The following PRPSAP2 variants were observed in gnomAD, a reference collection of about 807,000 sequenced individuals.
PRPSAP2 encodes phosphoribosyl pyrophosphate synthase-associated protein 2.
A neutral mutation model predicts 40.6 loss-of-function variants in PRPSAP2; 24 were observed. The observed-to-expected ratio is 0.59, with a 90% CI of 0.43 to 0.83. PRPSAP2 has a LOEUF of 0.83. PRPSAP2 is among the 40% of genes least tolerant of loss of function. The pLI is 0.00. For missense variants in PRPSAP2, 292 were observed against 465.6 expected, an observed-to-expected ratio of 0.63 and a Z score of 3.43; for synonymous variants, 149 against 164.7, an observed-to-expected ratio of 0.90 and a Z score of 0.73.
rs372184357 is a variant in PRPSAP2 at position 18,870,360 on chromosome 17, C to T, written c.173-2223C>T. Among the ~76,000 whole-genome samples the T allele has an allele frequency of 7.9e-5, 12 of 152,020 alleles. No homozygotes were observed. The East Asian group carries it at 1.9e-3, about 24-fold the overall frequency. ...ACTGCAGTGAGCCATATTTGCACCA[C>T]TGTACCACAGCCTAGGCAACAGGGC... On this transcript the variant is annotated intron_variant, in intron 4 of 11. Coordinates refer to ENST00000268835, the MANE Select transcript of PRPSAP2 (RefSeq NM_002767.4).
intron 8 of PRPSAP2, among the ~76,000 whole-genome samples, chr17:18,903,758 A>G (rs1046704690): frequency 1.3e-5 from 2 of 151,960 alleles, no homozygotes; most frequent in African/African-American, 4.8e-5. Flanking sequence ...ATAAAAAGGT[A>G]TTGTGAGCAA....
At chr17:18,918,509 C>T (rs1303777850) in intron 9 of PRPSAP2, among the ~76,000 whole-genome samples, 1 of 152,224 alleles carries the variant, frequency 6.6e-6, no homozygotes, top group Non-Finnish European at 1.5e-5. Flanking sequence ...ATAGCAGTAT[C>T]TGCGGGGAGC....
At chr17:18,874,564 G>T (rs1004424103) in intron 5 of PRPSAP2, among the ~76,000 whole-genome samples, 1 of 152,194 alleles carries the variant, frequency 6.6e-6, no homozygotes, top group African/African-American at 2.4e-5. Flanking sequence ...ACCTGTCCTT[G>T]CATCCTATAG....
At position 18,923,939 on chromosome 17, in the gene PRPSAP2, A is replaced by G; in HGVS notation, c.759A>G (p.Pro253=). The change falls in exon 10 of 12, where the codon CCA becomes CCG. Residue 253 remains proline (P), a synonymous_variant. Coordinates refer to ENST00000268835, the MANE Select transcript of PRPSAP2 (RefSeq NM_002767.4). ...TGCTGATTCCTAAAGAAAAGCCCCC[A>G]ATCACGGTTGTGGGTGATGTTGGAG... ...IPMLIPKEKP[P]ITVVGDVGGR... The G allele has an allele frequency of 6.2e-7, 1 of 1,613,710 alleles. No homozygotes were observed. Among genetic ancestry groups the G allele is most frequent in the Non-Finnish European group, 8.5e-7 (1 of 1,179,652 alleles).
chr17:18,921,800 T>A (rs2041702973), intron 9 of PRPSAP2, among the ~76,000 whole-genome samples: 1 of 152,228 alleles, frequency 6.6e-6, no homozygotes, highest in South Asian at 2.1e-4. Context: ...TTTTTCTTTT[T>A]GTGACATTGC....
chr17:18,867,159 A>T, intron 3 of PRPSAP2, 123 bp from the exon 4 acceptor site: 1 of 1,043,588 alleles, frequency 9.6e-7, no homozygotes, highest in South Asian at 1.6e-5. Flanking sequence ...TTGACTTTAA[A>T]TTTTATAAGA....
At chr17:18,870,596 A>G (rs2037784376) in intron 4 of PRPSAP2, among the ~76,000 whole-genome samples, 1 of 151,914 alleles carries the variant, frequency 6.6e-6, no homozygotes, top group Non-Finnish European at 1.5e-5. Flanking sequence ...ATCACTTGAG[A>G]CCAGAAGTTT....
At position 18,931,011 on chromosome 17, in the gene PRPSAP2, C is replaced by G. The variant is rs1024035794; in HGVS notation, c.*313C>G. ...CTCACAAAGCCTTCTTCCAAAGTTG[C>G]TTGAGCCAAGTGCTTAAAAAGTTAA... On this transcript the variant is annotated 3_prime_UTR_variant, in exon 12 of 12. Transcript: ENST00000268835. 5.1e-6 allele frequency: 1 copy of G among 194,318 alleles called. No homozygotes were observed. The highest frequency in any genetic ancestry group is 1.2e-4 in the East Asian group (1 of 8,436). 12.0% of individuals were successfully genotyped at this position (194,318 alleles called of 1,614,324 possible).
chr17:18,875,815 C>T (rs2038254198), intron 5 of PRPSAP2, among the ~76,000 whole-genome samples: 1 of 143,468 alleles, frequency 7.0e-6, no homozygotes, highest in Non-Finnish European at 1.5e-5. Flanking sequence ...GATGGCGCCA[C>T]TATACTCCAG....
chr17:18,901,948 G>T (rs964375574), intron 8 of PRPSAP2, among the ~76,000 whole-genome samples: 2 of 152,002 alleles, frequency 1.3e-5, no homozygotes, highest in Admixed American at 1.3e-4. Context: ...TGCCCAGCTG[G>T]TTTTTTCCTT....
intron 9 of PRPSAP2, among the ~76,000 whole-genome samples, chr17:18,916,346 G>A (rs1351758764): frequency 6.6e-6 from 1 of 151,186 alleles, no homozygotes; most frequent in South Asian, 2.1e-4. Context: ...GTTTGTTAAG[G>A]CTACTATAAC....
At chr17:18,902,929 G>A (rs1197376033) in intron 8 of PRPSAP2, among the ~76,000 whole-genome samples, 3 of 148,394 alleles carry the variant, frequency 2.0e-5, no homozygotes, top group South Asian at 2.1e-4. Context: ...AGTCTTTACC[G>A]AGTACATATT....
chr17:18,858,169 C>A lies in PRPSAP2; in HGVS notation c.-221C>A, dbSNP rs903627743. The A allele has an allele frequency of 6.6e-6, 1 of 152,286 alleles. No homozygotes were observed. Among genetic ancestry groups the A allele is most frequent in the African/African-American group, 2.4e-5 (1 of 41,468 alleles). The allele number at this position is 152,286 out of a possible 1,614,324, so 9.4% of individuals were successfully genotyped here. On this transcript the variant is annotated 5_prime_UTR_variant, in exon 1 of 12. Transcript: ENST00000268835. ...ACGCCAATCTTGTGCATGGAGTCGCCATTTTGCTCCTAGAGAGGCCGCCAG... is the reference window on the plus strand; with the variant it reads ...ACGCCAATCTTGTGCATGGAGTCGCAATTTTGCTCCTAGAGAGGCCGCCAG...
chr17:18,908,883 C>A, intron 8 of PRPSAP2: 1 of 516,798 alleles, frequency 1.9e-6, no homozygotes, highest in South Asian at 2.1e-5. Flanking sequence ...TATTTTATTT[C>A]CTTTTCCTCC....
At chr17:18,866,878 T>C (rs1254919409) in intron 3 of PRPSAP2, among the ~76,000 whole-genome samples, 1 of 152,136 alleles carries the variant, frequency 6.6e-6, no homozygotes, top group Admixed American at 6.5e-5. Flanking sequence ...GCTTTTAAAC[T>C]GAAGGGATGG....
chr17:18,867,242 C>G, intron 3 of PRPSAP2, 40 bp from the exon 4 acceptor site: 1 of 1,590,610 alleles, frequency 6.3e-7, no homozygotes, highest in Middle Eastern at 1.7e-4. Context: ...TGGGTTTCTT[C>G]TATTACTTTT....
intron 4 of PRPSAP2, among the ~76,000 whole-genome samples, chr17:18,869,951 G>A (rs898819294): frequency 1.3e-5 from 2 of 151,158 alleles, no homozygotes; most frequent in Non-Finnish European, 2.9e-5. Context: ...AGGTTCAAGC[G>A]ATACTCCTGC....
chr17:18,878,994 C>G (rs140555944), intron 6 of PRPSAP2, among the ~76,000 whole-genome samples: 255 of 152,034 alleles, frequency 1.7e-3, no homozygotes, highest in African/African-American at 6.0e-3. Context: ...CTTAGCTTCT[C>G]TAGTAGCTGG....
Position 18,882,951 on chromosome 17 carries a change from A to G in PRPSAP2, c.528+268A>G, listed in dbSNP as rs548684608. Among the ~76,000 whole-genome samples the G allele has an allele frequency of 3.3e-5, 5 of 152,308 alleles. No individual in the cohort carries two copies. The South Asian group carries it at 8.3e-4, about 25-fold the overall frequency. On this transcript the variant is annotated intron_variant, in intron 7 of 11. Transcript: ENST00000268835. Reference sequence around the variant, plus strand: ...TTGTAATGAGTAATTTACTCTCATTACTAGTCTATGCTTGATCCTGGTTCT... The same window carrying G: ...TTGTAATGAGTAATTTACTCTCATTGCTAGTCTATGCTTGATCCTGGTTCT...
Sources: allele counts gnomAD v4.1 joint callset (sites outside exome capture counted in the v4.1 genomes callset), GRCh38; gene constraint gnomAD v4.1.1; transcripts MANE v1.5; gene names NCBI Gene and HGNC (gene_info 2026-07-23, HGNC 2026-07-21).